Variants in MARCHF1 observed in about 807,000 individuals in gnomAD.
The protein encoded by MARCHF1 is membrane associated ring-CH-type finger 1, also known as E3 ubiquitin-protein ligase MARCHF1.
Under a neutral mutation model 54.2 loss-of-function variants are expected in MARCHF1, and 40 were observed. That is an observed-to-expected ratio of 0.74 (90% CI 0.57 to 0.96). MARCHF1 has a LOEUF of 0.96. Among genes scored for constraint, MARCHF1 ranks in the 40% least tolerant of loss-of-function variants. MARCHF1 has a pLI of 0.00. For missense variants in MARCHF1, 586 were observed against 656.5 expected (o/e 0.89, Z 1.17); for synonymous variants, 236 against 236.3 (o/e 1.00, Z 0.01).
At chr4:163,839,545 C>T (rs746284207) in intron 4 of MARCHF1, among the ~76,000 whole-genome samples, 2 of 152,086 alleles carry the variant, frequency 1.3e-5, no homozygotes, top group Non-Finnish European at 2.9e-5. Flanking sequence ...AGTTTTGACA[C>T]ATGCTACAAC....
chr4:163,556,907 A>G (rs1739311355), intron 8 of MARCHF1, among the ~76,000 whole-genome samples: 2 of 151,464 alleles, frequency 1.3e-5, no homozygotes, highest in South Asian at 4.2e-4. Flanking sequence ...TTTAAAGAGA[A>G]GATTCTTTTG....
Position 163,545,604 on chromosome 4 carries a change from T to C in MARCHF1, c.1331A>G (p.Asn444Ser), listed in dbSNP as rs775452411. 1 of 1,613,370 alleles carries C rather than the reference T, an allele frequency of 6.2e-7. No homozygotes were observed. ...DRTAEEIKQG[N>S]DNGVLEWPFW... ...GAAAGATGTGCTCTTACCATTGTCATTGCCTTGCTTGATTTCCTCCGCTGT... is the reference window on the plus strand; with the variant it reads ...GAAAGATGTGCTCTTACCATTGTCACTGCCTTGCTTGATTTCCTCCGCTGT... The change falls in exon 9 of 10, where the codon AAT becomes AGT. Residue 444 changes from asparagine to serine, a missense_variant. By Grantham distance (46) the Asn-to-Ser change is conservative. Coordinates refer to ENST00000514618, the MANE Select transcript of MARCHF1 (RefSeq NM_001394959.1).
chr4:163,858,194 C>A (rs944008794), intron 3 of MARCHF1, among the ~76,000 whole-genome samples: 2 of 152,056 alleles, frequency 1.3e-5, no homozygotes, highest in Non-Finnish European at 2.9e-5. Flanking sequence ...GAGCATGGTA[C>A]GCCTAGAACT....
chr4:163,893,793 A>G (rs905595506), intron 3 of MARCHF1, among the ~76,000 whole-genome samples: 4 of 152,198 alleles, frequency 2.6e-5, no homozygotes, highest in African/African-American at 4.8e-5. Flanking sequence ...ATTTAATAGC[A>G]TCCCTAAAAC....
chr4:163,555,945 T>C (rs1560939746), intron 8 of MARCHF1: 2 of 456,230 alleles, frequency 4.4e-6, no homozygotes, highest in Non-Finnish European at 8.8e-6. Context: ...TAGGAGACAG[T>C]GCTCGTGTAC....
At chr4:164,054,734 C>A (rs553961202) in intron 2 of MARCHF1, among the ~76,000 whole-genome samples, 1,436 of 130,098 alleles carry the variant, frequency 0.011, 22 homozygotes, top group African/African-American at 0.04. Flanking sequence ...ACAATGAGAT[C>A]ACATGGACAC....
At chr4:163,893,064 AT>A (rs781043843) in intron 3 of MARCHF1, among the ~76,000 whole-genome samples, 1,953 of 144,986 alleles carry the variant, frequency 0.013, 29 homozygotes, top group African/African-American at 0.034. Flanking sequence ...CCCCAGAAGG[AT>A]TTTTTTTTTT....
chr4:163,643,445 G>C (rs1420568108), intron 5 of MARCHF1, among the ~76,000 whole-genome samples: 1 of 152,072 alleles, frequency 6.6e-6, no homozygotes. Flanking sequence ...CAAACTCCTG[G>C]CTTCAAGTGA....
intron 7 of MARCHF1, among the ~76,000 whole-genome samples, chr4:163,587,873 G>T (rs1337343322): frequency 6.6e-6 from 1 of 152,066 alleles, no homozygotes; most frequent in Non-Finnish European, 1.5e-5. Flanking sequence ...CAGGCTGGAA[G>T]AATGTATGAA....
chr4:164,276,981 GAA>G (rs1733903815), intron 1 of MARCHF1, among the ~76,000 whole-genome samples: 1 of 148,660 alleles, frequency 6.7e-6, no homozygotes, highest in East Asian at 2.0e-4. Flanking sequence ...GAGAGAGAGA[GAA>G]AATATATGAG....
intron 5 of MARCHF1, among the ~76,000 whole-genome samples, chr4:163,682,396 G>A (rs1052777038): frequency 5.9e-5 from 9 of 152,194 alleles, no homozygotes; most frequent in Non-Finnish European, 1.2e-4. Flanking sequence ...AAGAGACAAT[G>A]GGGAAAATGT....
At chr4:163,620,866 T>C (rs1236530568) in intron 5 of MARCHF1, among the ~76,000 whole-genome samples, 3 of 152,192 alleles carry the variant, frequency 2.0e-5, no homozygotes, top group African/African-American at 7.2e-5. Context: ...AGGCTGTATA[T>C]TTCGTAATGT....
intron 2 of MARCHF1, among the ~76,000 whole-genome samples, chr4:164,034,957 A>G (rs1232359914): frequency 2.0e-5 from 3 of 152,182 alleles, no homozygotes; most frequent in Non-Finnish European, 4.4e-5. Context: ...AATCCAGAGA[A>G]TTTAACAAAA....
intron 3 of MARCHF1, among the ~76,000 whole-genome samples, chr4:163,981,821 T>A (rs1752769213): frequency 1.3e-5 from 2 of 152,220 alleles, no homozygotes; most frequent in African/African-American, 4.8e-5. Context: ...ACATGAAGTT[T>A]TTGTTCAACA....
intron 8 of MARCHF1, among the ~76,000 whole-genome samples, chr4:163,579,334 CAA>C (rs1276466049): frequency 6.6e-6 from 1 of 152,054 alleles, no homozygotes; most frequent in Non-Finnish European, 1.5e-5. Context: ...CAAATAAAAA[CAA>C]AACAAAGACA....
chr4:164,091,410 T>TTTTATATATATATATATATATA (rs145149996), intron 2 of MARCHF1, among the ~76,000 whole-genome samples: 23 of 136,922 alleles, frequency 1.7e-4, no homozygotes, highest in South Asian at 4.6e-4. Flanking sequence ...TCACCAAGTT[T>TTTTATATATATATATATATATA]TATATATATA....
At chr4:164,295,551 T>C (rs888916787) in intron 1 of MARCHF1, among the ~76,000 whole-genome samples, 3 of 152,066 alleles carry the variant, frequency 2.0e-5, no homozygotes, top group Non-Finnish European at 4.4e-5. Flanking sequence ...AATCACAAGA[T>C]TTTGTTTGAA....
chr4:163,959,850 A>G (rs1039698370), intron 3 of MARCHF1, among the ~76,000 whole-genome samples: 3 of 152,112 alleles, frequency 2.0e-5, no homozygotes, highest in Non-Finnish European at 4.4e-5. Context: ...TCTGCACAGC[A>G]AAAGAAACTA....
At chr4:164,163,252 A>G (rs1730288163) in intron 1 of MARCHF1, among the ~76,000 whole-genome samples, 1 of 152,048 alleles carries the variant, frequency 6.6e-6, no homozygotes, top group South Asian at 2.1e-4. Context: ...AAAAATTATT[A>G]TAATACTATT....
Sources: allele counts gnomAD v4.1 joint callset (sites outside exome capture counted in the v4.1 genomes callset), GRCh38; gene constraint gnomAD v4.1.1; transcripts MANE v1.5; gene names NCBI Gene and HGNC (gene_info 2026-07-23, HGNC 2026-07-21).